The following DNAH11 variants were observed in gnomAD, a reference collection of about 807,000 sequenced individuals.
The protein encoded by DNAH11 is dynein axonemal heavy chain 11.
DNAH11 carries 442 observed loss-of-function variants against 526.0 expected under a neutral mutation model. The observed-to-expected ratio is 0.84, with a 90% CI of 0.78 to 0.91. The LOEUF (loss-of-function observed/expected upper bound fraction) is 0.91. Among genes scored for constraint, DNAH11 ranks in the 40% least tolerant of loss-of-function variants. DNAH11 has a pLI of 0.00. For missense variants in DNAH11, 6,989 were observed against 5,448.7 expected (o/e 1.28, Z -8.90); for synonymous variants, 2,461 against 1,935.9 (o/e 1.27, Z -7.12).
intron 68 of DNAH11, among the ~76,000 whole-genome samples, chr7:21,860,932 C>A (rs1783039944): frequency 6.6e-6 from 1 of 152,152 alleles, no homozygotes; most frequent in Non-Finnish European, 1.5e-5. Context: ...CATCAGATCT[C>A]ATGAGAGTTA....
At position 21,710,611 on chromosome 7, in the gene DNAH11, C is replaced by G. The variant is rs1250834420; in HGVS notation, c.6742C>G (p.Leu2248Val). 6 of 1,613,142 alleles carry G rather than the reference C, an allele frequency of 3.7e-6. No homozygotes were observed. Among genetic ancestry groups the G allele is most frequent in the East Asian group, 4.5e-5 (2 of 44,840 alleles). The part of the protein sequence containing the change: ...FSSILREQAN[L>V]KHDGPKWIVL... ...ATCCATTCTACGAGAACAAGCAAATCTTAAGCATGATGGACCAAAATGGAT... is the reference window on the plus strand; with the variant it reads ...ATCCATTCTACGAGAACAAGCAAATGTTAAGCATGATGGACCAAAATGGAT... The change falls in exon 41 of 82, where the codon CTT becomes GTT. Residue 2248 changes from leucine to valine, a missense_variant. Physicochemically the swap from Leu to Val is conservative, Grantham distance 32. Transcript: ENST00000409508.
At chr7:21,640,523 A>G (rs1461794669) in intron 28 of DNAH11, among the ~76,000 whole-genome samples, 2 of 144,210 alleles carry the variant, frequency 1.4e-5, no homozygotes, top group Admixed American at 6.7e-5. Flanking sequence ...TCTTTTAATC[A>G]TATTATTTAA....
At chr7:21,758,838 G>C (rs1226039334) in intron 54 of DNAH11, among the ~76,000 whole-genome samples, 2 of 152,186 alleles carry the variant, frequency 1.3e-5, no homozygotes, top group Non-Finnish European at 2.9e-5. Flanking sequence ...TTCAGCTGTG[G>C]GGTTTGCTGG....
intron 44 of DNAH11, among the ~76,000 whole-genome samples, chr7:21,725,425 G>A (rs1177420959): frequency 2.0e-5 from 3 of 152,166 alleles, no homozygotes; most frequent in African/African-American, 7.2e-5. Flanking sequence ...GAAAGGGCCA[G>A]AGAAGCTATA....
chr7:21,654,826 C>A (rs1781941380), intron 28 of DNAH11, among the ~76,000 whole-genome samples: 1 of 152,034 alleles, frequency 6.6e-6, no homozygotes, highest in Non-Finnish European at 1.5e-5. Flanking sequence ...CTTTTTGTCT[C>A]CTTGGGTGTG....
intron 46 of DNAH11, among the ~76,000 whole-genome samples, chr7:21,736,751 G>A (rs1008953601): frequency 1.3e-5 from 2 of 152,168 alleles, no homozygotes; most frequent in Non-Finnish European, 2.9e-5. Flanking sequence ...CTACTCAGGA[G>A]GCTGAGGTGG....
At chr7:21,810,699 A>G (rs1275477912) in intron 63 of DNAH11, among the ~76,000 whole-genome samples, 1 of 152,170 alleles carries the variant, frequency 6.6e-6, no homozygotes, top group Non-Finnish European at 1.5e-5. Context: ...GTCTAGGAGT[A>G]AAAAGAGAGG....
At chr7:21,582,364 A>T (rs1784341875) in intron 9 of DNAH11, among the ~76,000 whole-genome samples, 1 of 152,152 alleles carries the variant, frequency 6.6e-6, no homozygotes, top group African/African-American at 2.4e-5. Context: ...AATTTCTTTT[A>T]TTTACCATTG....
intron 14 of DNAH11, among the ~76,000 whole-genome samples, chr7:21,598,949 T>C (rs984760513): frequency 1.3e-5 from 2 of 152,234 alleles, no homozygotes; most frequent in East Asian, 3.8e-4. Context: ...TAGTATTCCA[T>C]GTATACACGT....
chr7:21,707,084 T>A lies in DNAH11; in HGVS notation c.6547-615T>A, dbSNP rs190117019. Among the ~76,000 whole-genome samples the A allele has an allele frequency of 3.5e-4, 53 of 152,332 alleles. 1 individual carries two copies. The East Asian group carries it at 8.5e-3, about 24-fold the overall frequency. On this transcript the variant is annotated intron_variant, in intron 39 of 81. Coordinates refer to ENST00000409508, the MANE Select transcript of DNAH11 (RefSeq NM_001277115.2). ...TATTTAGCAACCTCCCTGGTCTCTA[T>A]CCACTGGATGTCCAGAAGCTCCTTC...
At chr7:21,585,440 A>C (rs1318025140) in intron 9 of DNAH11, among the ~76,000 whole-genome samples, 1 of 152,224 alleles carries the variant, frequency 6.6e-6, no homozygotes, top group African/African-American at 2.4e-5. Context: ...AAAAATATTT[A>C]TAGATGGTTC....
intron 24 of DNAH11, 25 bp downstream of exon 24, chr7:21,619,247 T>C (rs1562705685): frequency 6.2e-7 from 1 of 1,600,378 alleles, no homozygotes. Flanking sequence ...ACTGGGTCAT[T>C]TCTACTTGGC....
At chr7:21,626,511 G>A (rs1430782268) in intron 25 of DNAH11, among the ~76,000 whole-genome samples, 1 of 151,934 alleles carries the variant, frequency 6.6e-6, no homozygotes, top group African/African-American at 2.4e-5. Flanking sequence ...TTCGTTCTTT[G>A]AAAACTCTCC....
chr7:21,733,446 A>G (rs983346394), intron 45 of DNAH11, among the ~76,000 whole-genome samples: 8 of 152,098 alleles, frequency 5.3e-5, no homozygotes, highest in Non-Finnish European at 1.2e-4. Context: ...TGCTCCCTCC[A>G]CTTTATGTAT....
chr7:21,715,246 TAAAA>T (rs1422179512), intron 42 of DNAH11, among the ~76,000 whole-genome samples: 1 of 152,172 alleles, frequency 6.6e-6, no homozygotes, highest in Admixed American at 6.5e-5. Context: ...GAGTAATAAA[TAAAA>T]AGTTTTCAGA....
chr7:21,554,165 C>T (rs189054645), intron 2 of DNAH11, among the ~76,000 whole-genome samples: 69 of 141,138 alleles, frequency 4.9e-4, no homozygotes, highest in African/African-American at 1.7e-3. Flanking sequence ...TGTCTGTTCT[C>T]TGGGATTTTT....
chr7:21,793,769 T>G (rs888973364), intron 61 of DNAH11, among the ~76,000 whole-genome samples: 12 of 152,220 alleles, frequency 7.9e-5, no homozygotes, highest in Admixed American at 2.6e-4. Flanking sequence ...GAGCGTAGGG[T>G]GTTGAAGTCC....
chr7:21,663,502 T>A (rs1782314032), intron 30 of DNAH11, among the ~76,000 whole-genome samples: 1 of 152,158 alleles, frequency 6.6e-6, no homozygotes, highest in African/African-American at 2.4e-5. Context: ...GTTGTTGGTC[T>A]TTTTAATAGC....
chr7:21,629,219 G>C (rs1489699708), intron 25 of DNAH11, among the ~76,000 whole-genome samples: 1 of 152,040 alleles, frequency 6.6e-6, no homozygotes, highest in Non-Finnish European at 1.5e-5. Flanking sequence ...CATTTCTAAG[G>C]TTCCTCTTGT....
Sources: allele counts gnomAD v4.1 joint callset (sites outside exome capture counted in the v4.1 genomes callset), GRCh38; gene constraint gnomAD v4.1.1; transcripts MANE v1.5; gene names NCBI Gene and HGNC (gene_info 2026-07-23, HGNC 2026-07-21).